RBFOX1: variants seen among roughly 807,000 people sequenced by gnomAD.
The protein encoded by RBFOX1 is RNA binding fox-1 homolog 1, also known as RNA binding protein fox-1 homolog 1.
In RBFOX1, 8 loss-of-function variants were observed where a neutral mutation model predicts 57.7. That is an observed-to-expected ratio of 0.14 (90% CI 0.08 to 0.25). RBFOX1 has a LOEUF of 0.25. Among genes scored for constraint, RBFOX1 ranks in the 10% least tolerant of loss-of-function variants. RBFOX1 has a pLI of 1.00. For missense variants in RBFOX1, 611 were observed against 548.5 expected, an observed-to-expected ratio of 1.11 and a Z score of -1.14; for synonymous variants, 326 against 222.4, an observed-to-expected ratio of 1.47 and a Z score of -4.15.
intron 3 of RBFOX1, among the ~76,000 whole-genome samples, chr16:6,957,705 A>T (rs1312576670): frequency 6.6e-6 from 1 of 152,144 alleles, no homozygotes; most frequent in Non-Finnish European, 1.5e-5. Flanking sequence ...GTAGCCCAGC[A>T]GGTCTCAGCG....
chr16:6,058,142 G>C (rs2095637449), intron 1 of RBFOX1, among the ~76,000 whole-genome samples: 1 of 152,060 alleles, frequency 6.6e-6, no homozygotes, highest in South Asian at 2.1e-4. Context: ...GATGGGGTCG[G>C]GGGTGGAATG....
intron 1 of RBFOX1, among the ~76,000 whole-genome samples, chr16:6,075,222 A>G (rs1326312985): frequency 6.6e-6 from 1 of 152,250 alleles, no homozygotes; most frequent in Non-Finnish European, 1.5e-5. Context: ...TAAAATGAGT[A>G]CTTTGCAATG....
intron 3 of RBFOX1, among the ~76,000 whole-genome samples, chr16:5,843,246 G>A (rs2056672026): frequency 6.6e-6 from 1 of 152,164 alleles, no homozygotes; most frequent in South Asian, 2.1e-4. Flanking sequence ...AAGGTACTAA[G>A]CCTCGGACCC....
At chr16:5,928,447 C>G (rs1223856278) in intron 4 of RBFOX1, among the ~76,000 whole-genome samples, 1 of 151,812 alleles carries the variant, frequency 6.6e-6, no homozygotes, top group African/African-American at 2.4e-5. Flanking sequence ...GATGGATATG[C>G]TAATTAGCTT....
At chr16:6,172,126 T>C (rs1299257278) in intron 1 of RBFOX1, among the ~76,000 whole-genome samples, 1 of 151,956 alleles carries the variant, frequency 6.6e-6, no homozygotes, top group African/African-American at 2.4e-5. Context: ...CAGCTAGCTG[T>C]TTTTTTATCA....
At chr16:6,810,696 C>G (rs1603627654) in intron 3 of RBFOX1, among the ~76,000 whole-genome samples, 1 of 152,122 alleles carries the variant, frequency 6.6e-6, no homozygotes, top group South Asian at 2.1e-4. Flanking sequence ...AACGTACAAT[C>G]ACGGTGGAAG....
intron 4 of RBFOX1, among the ~76,000 whole-genome samples, chr16:5,950,155 G>T (rs577006713): frequency 3.3e-5 from 5 of 152,272 alleles, no homozygotes; most frequent in African/African-American, 9.6e-5. Flanking sequence ...TACATCATTT[G>T]CAAAACCCAG....
At position 6,926,472 on chromosome 16, in the gene RBFOX1, C is replaced by A. The variant is rs144573231; in HGVS notation, c.-15-125585C>A. Among the ~76,000 whole-genome samples the A allele has an allele frequency of 1.6e-4, 24 of 152,220 alleles. No homozygotes were observed. The East Asian group carries it at 4.6e-3, about 29-fold the overall frequency. On this transcript the variant is annotated intron_variant, in intron 3 of 15. Coordinates refer to ENST00000550418, the MANE Select transcript of RBFOX1 (RefSeq NM_018723.4). Reference sequence around the variant, plus strand: ...GGTGTTCAGATGTAGATAGTAGGTTCAGTGGGTTGATTAAGTTAATGACAT... The same window carrying A: ...GGTGTTCAGATGTAGATAGTAGGTTAAGTGGGTTGATTAAGTTAATGACAT...
intron 1 of RBFOX1, among the ~76,000 whole-genome samples, chr16:6,314,331 G>A (rs1271307501): frequency 6.6e-6 from 1 of 152,170 alleles, no homozygotes; most frequent in African/African-American, 2.4e-5. Context: ...TTCACAGCCT[G>A]GGTAGGCCAA....
intron 2 of RBFOX1, chr16:6,483,087 C>G: frequency 1.0e-6 from 1 of 986,918 alleles, no homozygotes; most frequent in Non-Finnish European, 1.2e-6. Context: ...TGCCTCCGAC[C>G]CGTAGGGGCG....
At chr16:6,024,442 C>G (rs561239489) in intron 1 of RBFOX1, among the ~76,000 whole-genome samples, 1 of 152,184 alleles carries the variant, frequency 6.6e-6, no homozygotes, top group Non-Finnish European at 1.5e-5. Flanking sequence ...AAAGAAGTAG[C>G]TGATCTGTAT....
chr16:6,490,602 C>T (rs1164595957), intron 2 of RBFOX1, among the ~76,000 whole-genome samples: 2 of 152,180 alleles, frequency 1.3e-5, no homozygotes, highest in Admixed American at 1.3e-4. Flanking sequence ...GCACAGCTTA[C>T]AAGTATGGAC....
intron 4 of RBFOX1, among the ~76,000 whole-genome samples, chr16:7,435,424 G>C (rs923564513): frequency 1.3e-5 from 2 of 152,074 alleles, no homozygotes; most frequent in African/African-American, 2.4e-5. Context: ...TGTTCACCTT[G>C]GTCATCTGGC....
At chr16:6,307,695 A>G (rs2079694832) in intron 1 of RBFOX1, among the ~76,000 whole-genome samples, 1 of 147,252 alleles carries the variant, frequency 6.8e-6, no homozygotes, top group African/African-American at 2.4e-5. Flanking sequence ...ATAAATGATA[A>G]TCATTTATGT....
intron 3 of RBFOX1, among the ~76,000 whole-genome samples, chr16:6,754,235 A>G (rs984803441): frequency 2.0e-5 from 3 of 152,154 alleles, no homozygotes; most frequent in African/African-American, 4.8e-5. Context: ...TCAAATGACA[A>G]TGTTCACCTG....
chr16:6,595,523 A>C (rs1444426456), intron 2 of RBFOX1, among the ~76,000 whole-genome samples: 1 of 152,168 alleles, frequency 6.6e-6, no homozygotes, highest in Non-Finnish European at 1.5e-5. Context: ...ATGAACATTG[A>C]TGTACAAGTT....
chr16:6,194,124 C>A (rs540367406), intron 1 of RBFOX1, among the ~76,000 whole-genome samples: 10 of 152,140 alleles, frequency 6.6e-5, no homozygotes, highest in Non-Finnish European at 1.5e-4. Context: ...TCATACCGTT[C>A]CTTCCCTCAT....
chr16:7,042,617 C>T (rs74250038), intron 3 of RBFOX1, among the ~76,000 whole-genome samples: 1 of 152,102 alleles, frequency 6.6e-6, no homozygotes, highest in African/African-American at 2.4e-5. Context: ...TGTTAGTGTG[C>T]AATTTATTTC....
intron 14 of RBFOX1, among the ~76,000 whole-genome samples, chr16:7,688,221 A>ATGTGTG (rs3029191): frequency 0.016 from 1,954 of 120,860 alleles, 10 homozygotes; most frequent in African/African-American, 0.032. Context: ...GCAGGTTTAA[A>ATGTGTG]TGTGTGTGTG....
Sources: allele counts gnomAD v4.1 joint callset (sites outside exome capture counted in the v4.1 genomes callset), GRCh38; gene constraint gnomAD v4.1.1; transcripts MANE v1.5; gene names NCBI Gene and HGNC (gene_info 2026-07-23, HGNC 2026-07-21).